The following DLGAP2 variants were observed in gnomAD, a reference collection of about 807,000 sequenced individuals.
The protein encoded by DLGAP2 is disks large-associated protein 2.
A neutral mutation model predicts 100.3 loss-of-function variants in DLGAP2; 26 were observed. The ratio of observed to expected loss-of-function variants is 0.26; its 90% CI spans 0.19 to 0.36. DLGAP2 has a LOEUF of 0.36. Among genes scored for constraint, DLGAP2 ranks in the 10% least tolerant of loss-of-function variants. The pLI is 1.00. For synonymous variants in DLGAP2, 886 were observed against 630.1 expected (o/e 1.41, Z -6.08); for missense variants, 1,858 against 1,453.2 (o/e 1.28, Z -4.53).
chr8:983,865 C>G (rs551510855), intron 2 of DLGAP2, among the ~76,000 whole-genome samples: 1 of 152,248 alleles, frequency 6.6e-6, no homozygotes, highest in South Asian at 2.1e-4. Flanking sequence ...GTCTTGAACT[C>G]CTAGGCTCAA....
chr8:1,229,468 A>G (rs1798488912), intron 2 of DLGAP2, among the ~76,000 whole-genome samples: 1 of 152,162 alleles, frequency 6.6e-6, no homozygotes, highest in African/African-American at 2.4e-5. Context: ...ATGTATTTCC[A>G]GGGATTTATC....
intron 1 of DLGAP2, among the ~76,000 whole-genome samples, chr8:812,858 A>G (rs189074789): frequency 1.1e-4 from 17 of 152,342 alleles, no homozygotes; most frequent in Admixed American, 9.1e-4. Flanking sequence ...TGGTTATCCT[A>G]ATGCACCCAT....
At chr8:1,008,448 A>C (rs1801184044) in intron 2 of DLGAP2, among the ~76,000 whole-genome samples, 2 of 152,246 alleles carry the variant, frequency 1.3e-5, no homozygotes, top group African/African-American at 4.8e-5. Flanking sequence ...TTTTAAAAAG[A>C]AGTAATTGTG....
At chr8:887,468 C>T (rs1484476745) in intron 1 of DLGAP2, among the ~76,000 whole-genome samples, 2 of 152,166 alleles carry the variant, frequency 1.3e-5, no homozygotes, top group Admixed American at 6.5e-5. Context: ...TTCATAGTGT[C>T]ATTGGTCTTT....
chr8:1,507,764 C>T, intron 4 of DLGAP2, among the ~76,000 whole-genome samples: 1 of 145,648 alleles, frequency 6.9e-6, no homozygotes, highest in East Asian at 2.1e-4. Flanking sequence ...GCCACCGAGT[C>T]TTCCTCCTTC....
intron 3 of DLGAP2, among the ~76,000 whole-genome samples, chr8:1,428,557 G>C (rs1797302813): frequency 6.6e-6 from 1 of 151,754 alleles, no homozygotes; most frequent in Non-Finnish European, 1.5e-5. Context: ...TTATAGGTCA[G>C]ATTGACTGCT....
chr8:908,166 G>T (rs748153872), intron 2 of DLGAP2, among the ~76,000 whole-genome samples, 200 bp downstream of exon 2: 1 of 152,198 alleles, frequency 6.6e-6, no homozygotes, highest in Non-Finnish European at 1.5e-5. Flanking sequence ...TGAGCCCAGA[G>T]ATCTGTTTTT....
intron 2 of DLGAP2, among the ~76,000 whole-genome samples, chr8:950,772 C>T (rs1021208154): frequency 2.0e-5 from 3 of 151,840 alleles, no homozygotes; most frequent in African/African-American, 7.3e-5. Flanking sequence ...CAGGCATGTG[C>T]CACCGTGCCC....
At chr8:1,337,367 CAG>C (rs1801304120) in intron 3 of DLGAP2, among the ~76,000 whole-genome samples, 1 of 2,124 alleles carries the variant, frequency 4.7e-4, no homozygotes, top group Non-Finnish European at 8.4e-4. Context: ...GTGAGGATGA[CAG>C]TGATGATGAT....
chr8:986,628 C>A (rs1467758675), intron 2 of DLGAP2, among the ~76,000 whole-genome samples: 2 of 150,584 alleles, frequency 1.3e-5, no homozygotes, highest in African/African-American at 2.4e-5. Flanking sequence ...AATGTATTTA[C>A]TGGGCACCCA....
At chr8:890,658 C>T (rs1278415284) in intron 1 of DLGAP2, among the ~76,000 whole-genome samples, 1 of 152,016 alleles carries the variant, frequency 6.6e-6, no homozygotes, top group Non-Finnish European at 1.5e-5. Flanking sequence ...CAGGTTTGCC[C>T]TCACCCACCC....
At chr8:1,176,516 C>G (rs1797260446) in intron 2 of DLGAP2, among the ~76,000 whole-genome samples, 1 of 152,134 alleles carries the variant, frequency 6.6e-6, no homozygotes, top group African/African-American at 2.4e-5. Context: ...CTTGGAGATC[C>G]TGCCCTCACA....
At chr8:1,469,551 G>A (rs192698761) in intron 3 of DLGAP2, among the ~76,000 whole-genome samples, 45 of 152,280 alleles carry the variant, frequency 3.0e-4, no homozygotes, top group Non-Finnish European at 4.7e-4. Context: ...CTGCTCCTTC[G>A]CTGCCTTACT....
At chr8:1,457,311 T>C (rs1399798221) in intron 3 of DLGAP2, among the ~76,000 whole-genome samples, 1 of 152,186 alleles carries the variant, frequency 6.6e-6, no homozygotes, top group Non-Finnish European at 1.5e-5. Context: ...ACAGAAATGG[T>C]TGCAGAGAGA....
At chr8:747,220 A>G (rs1820638121) in intron 1 of DLGAP2, among the ~76,000 whole-genome samples, 2 of 150,932 alleles carry the variant, frequency 1.3e-5, no homozygotes, top group Admixed American at 6.6e-5. Flanking sequence ...ACTACCCACA[A>G]CGCGTCATAC....
At chr8:942,948 G>A (rs1017474451) in intron 2 of DLGAP2, among the ~76,000 whole-genome samples, 7 of 152,274 alleles carry the variant, frequency 4.6e-5, no homozygotes, top group African/African-American at 1.7e-4. Flanking sequence ...TGCGTTGCAA[G>A]GGTGTGCGGA....
intron 2 of DLGAP2, among the ~76,000 whole-genome samples, chr8:1,116,260 G>A (rs1805114522): frequency 6.6e-6 from 1 of 152,172 alleles, no homozygotes; most frequent in African/African-American, 2.4e-5. Context: ...TGGGTTTTCT[G>A]TATTGTCAAG....
chr8:923,726 C>T (rs1320825095), intron 2 of DLGAP2, among the ~76,000 whole-genome samples: 1 of 152,154 alleles, frequency 6.6e-6, no homozygotes, highest in Admixed American at 6.5e-5. Context: ...GTGCTTGTAT[C>T]AGATGTCAGG....
chr8:1,615,225 CCCA>C (rs1207297711), intron 6 of DLGAP2, among the ~76,000 whole-genome samples: 2 of 152,162 alleles, frequency 1.3e-5, no homozygotes, highest in East Asian at 3.9e-4. Context: ...GAGGCTGAAC[CCCA>C]CCAAGTGCAC....
Sources: allele counts gnomAD v4.1 joint callset (sites outside exome capture counted in the v4.1 genomes callset), GRCh38; gene constraint gnomAD v4.1.1; transcripts MANE v1.5; gene names NCBI Gene and HGNC (gene_info 2026-07-23, HGNC 2026-07-21).